EML4: variants seen among roughly 807,000 people sequenced by gnomAD.
EML4 encodes EMAP like 4.
Under a neutral mutation model 129.0 loss-of-function variants are expected in EML4, and 72 were observed. That is an observed-to-expected ratio of 0.56 (90% CI 0.46 to 0.68). The LOEUF (loss-of-function observed/expected upper bound fraction) is 0.68, where lower values mean the gene tolerates loss of function less well. EML4 is among the 30% of genes least tolerant of loss of function. The pLI is 0.00. For synonymous variants in EML4, 532 were observed against 405.0 expected (o/e 1.31, Z -3.77); for missense variants, 1,363 against 1,190.6 (o/e 1.14, Z -2.13).
intron 1 of EML4, among the ~76,000 whole-genome samples, chr2:42,207,217 T>C (rs1672610209): frequency 6.6e-6 from 1 of 152,208 alleles, no homozygotes; most frequent in South Asian, 2.1e-4. Context: ...ATAAAAGTAA[T>C]TTTTAAATAC....
At chr2:42,275,192 C>T (rs7605782) in intron 6 of EML4, among the ~76,000 whole-genome samples, 17,627 of 152,088 alleles carry the variant, frequency 0.12, 1,072 homozygotes, top group East Asian at 0.18. Context: ...TCAATGTAGC[C>T]AAAATACTGT....
chr2:42,291,332 A>G (rs937861249), intron 11 of EML4, among the ~76,000 whole-genome samples: 2 of 152,168 alleles, frequency 1.3e-5, no homozygotes, highest in African/African-American at 2.4e-5. Context: ...CTTAAGGCAT[A>G]TAAAGTACTA....
At chr2:42,246,802 C>T (rs1380003180) in intron 2 of EML4, among the ~76,000 whole-genome samples, 1 of 152,162 alleles carries the variant, frequency 6.6e-6, no homozygotes, top group East Asian at 1.9e-4. Flanking sequence ...AAGTGATGCA[C>T]ATTGCCAGCT....
At chr2:42,193,074 T>C (rs1377221600) in intron 1 of EML4, among the ~76,000 whole-genome samples, 2 of 152,206 alleles carry the variant, frequency 1.3e-5, no homozygotes, top group Non-Finnish European at 2.9e-5. Flanking sequence ...TAAAGAACAG[T>C]CATATACCAC....
rs554897123 is a variant in EML4 at position 42,285,530 on chromosome 2, T to C, written c.1012-739T>C. ...TTTTCTCAGGAATGAAGATTAGTAA[T>C]ACTAAAAGCAAAAGTATCCGGAGCA... On this transcript the variant is annotated intron_variant, in intron 9 of 22. Coordinates refer to ENST00000318522, the MANE Select transcript of EML4 (RefSeq NM_019063.5). Among the ~76,000 whole-genome samples, 4 of 152,182 alleles carry C rather than the reference T, an allele frequency of 2.6e-5. No homozygotes were observed. In the South Asian group the frequency reaches 8.3e-4, roughly 32 times the overall value.
chr2:42,283,003 G>T, intron 8 of EML4, 31 bp downstream of exon 8: 1 of 1,545,814 alleles, frequency 6.5e-7, no homozygotes, highest in Non-Finnish European at 8.7e-7. Flanking sequence ...GTTCATTTTT[G>T]TTCTTTCAGG....
At chr2:42,219,458 A>G (rs1315534905) in intron 1 of EML4, among the ~76,000 whole-genome samples, 1 of 152,146 alleles carries the variant, frequency 6.6e-6, no homozygotes, top group Admixed American at 6.5e-5. Flanking sequence ...GAAAAGGTCT[A>G]CCTGAAGTTC....
At chr2:42,264,566 G>A in intron 5 of EML4, 140 bp from the exon 6 acceptor site, 1 of 627,040 alleles carries the variant, frequency 1.6e-6, no homozygotes, top group Non-Finnish European at 2.9e-6. Context: ...TTTAAAAAAT[G>A]CTGATTTCTT....
intron 1 of EML4, among the ~76,000 whole-genome samples, chr2:42,201,278 C>T (rs1672215811): frequency 6.6e-6 from 1 of 152,180 alleles, no homozygotes; most frequent in Non-Finnish European, 1.5e-5. Context: ...TGTATTGGCT[C>T]ATTTAATCCT....
chr2:42,229,749 CT>C (rs1178375894), intron 1 of EML4, among the ~76,000 whole-genome samples: 1 of 152,006 alleles, frequency 6.6e-6, no homozygotes, highest in Non-Finnish European at 1.5e-5. Flanking sequence ...AATCTAGAGT[CT>C]TGGTTGAGGC....
In EML4 at chr2:42,204,897, C is replaced by G. The variant is rs1199804817; in HGVS notation, c.25+35261C>G. Reference sequence around the variant, plus strand: ...ATGAATCTGTGTAAATGTTCTTTGCCTCAGATATTCATGAATGCTAAGATT... The same window carrying G: ...ATGAATCTGTGTAAATGTTCTTTGCGTCAGATATTCATGAATGCTAAGATT... On this transcript the variant is annotated intron_variant, in intron 1 of 22. Transcript: ENST00000318522. Among the ~76,000 whole-genome samples, 4 of 152,220 alleles carry G rather than the reference C, an allele frequency of 2.6e-5. No homozygotes were observed. The East Asian group carries it at 7.7e-4, about 29-fold the overall frequency.
chr2:42,179,040 G>A (rs538521296), intron 1 of EML4, among the ~76,000 whole-genome samples: 27 of 152,216 alleles, frequency 1.8e-4, no homozygotes, highest in African/African-American at 6.5e-4. Flanking sequence ...TGTAAGGGGG[G>A]GAAACAGTAA....
intron 6 of EML4, among the ~76,000 whole-genome samples, chr2:42,280,453 T>C (rs1202013224): frequency 2.6e-5 from 4 of 152,256 alleles, no homozygotes; most frequent in Admixed American, 1.3e-4. Context: ...AACCATGGGT[T>C]GAAAATATTT....
At chr2:42,182,793 C>T (rs1671022936) in intron 1 of EML4, among the ~76,000 whole-genome samples, 2 of 152,096 alleles carry the variant, frequency 1.3e-5, no homozygotes, top group South Asian at 4.1e-4. Context: ...AGCTAGAGGT[C>T]AGAAATCAAT....
Position 42,329,826 on chromosome 2 carries a change from A to G in EML4, c.2565A>G (p.Lys855=), listed in dbSNP as rs1366838684. 6.2e-7 allele frequency: 1 copy of G among 1,614,168 alleles called. No homozygotes were observed. Among genetic ancestry groups the G allele is most frequent in the South Asian group, 1.1e-5 (1 of 91,082 alleles). The part of the protein sequence containing the change: ...NDSHLISTGG[K]DMSIIQWKLV... ...GTCACCTGATATCAACTGGTGGAAA[A>G]GACATGAGCATCATTCAGTGGAAAC... Residue 855 remains lysine (K), a synonymous_variant, in exon 23 of 23, where the codon AAA becomes AAG. Transcript: ENST00000318522.
intron 1 of EML4, among the ~76,000 whole-genome samples, chr2:42,192,579 A>G (rs1253075008): frequency 6.6e-6 from 1 of 152,054 alleles, no homozygotes; most frequent in Non-Finnish European, 1.5e-5. Flanking sequence ...TGACCACTCC[A>G]GTCCCTCAAA....
At chr2:42,288,895 A>G (rs1558578269) in intron 11 of EML4, 2 of 152,190 alleles carry the variant, frequency 1.3e-5, no homozygotes, top group Non-Finnish European at 1.5e-5. Flanking sequence ...CTGGGTTTAT[A>G]TGAGCCAGAA....
intron 17 of EML4, among the ~76,000 whole-genome samples, chr2:42,314,447 C>T (rs773502114): frequency 1.3e-5 from 2 of 152,114 alleles, no homozygotes; most frequent in Non-Finnish European, 2.9e-5. Context: ...AACTTTTAGG[C>T]AGCTAACCTA....
intron 17 of EML4, among the ~76,000 whole-genome samples, chr2:42,310,305 C>G (rs912477555): frequency 6.6e-6 from 1 of 151,258 alleles, no homozygotes; most frequent in Non-Finnish European, 1.5e-5. Context: ...ATTCCCCTTT[C>G]CCTTCCCCTT....
Sources: allele counts gnomAD v4.1 joint callset (sites outside exome capture counted in the v4.1 genomes callset), GRCh38; gene constraint gnomAD v4.1.1; transcripts MANE v1.5; gene names NCBI Gene and HGNC (gene_info 2026-07-23, HGNC 2026-07-21).